PCMT1: variants seen among roughly 807,000 people sequenced by gnomAD.
PCMT1 encodes the protein protein-L-isoaspartate (D-aspartate) O-methyltransferase.
A neutral mutation model predicts 29.2 loss-of-function variants in PCMT1; 9 were observed. That is an observed-to-expected ratio of 0.31 (90% confidence interval 0.19 to 0.54). PCMT1 has a LOEUF of 0.54. PCMT1 is among the 20% of genes least tolerant of loss of function. The pLI is 0.95. For missense variants in PCMT1, 184 were observed against 282.2 expected, an observed-to-expected ratio of 0.65 and a Z score of 2.49; for synonymous variants, 98 against 97.5, an observed-to-expected ratio of 1.00 and a Z score of -0.03.
intron 3 of PCMT1, among the ~76,000 whole-genome samples, chr6:149,777,218 A>C (rs1288522655): frequency 6.6e-6 from 1 of 152,234 alleles, no homozygotes; most frequent in Non-Finnish European, 1.5e-5. Context: ...CACTTACGTT[A>C]GCCTACAGTT....
chr6:149,810,307 T>A (rs1776127539), intron 7 of PCMT1, among the ~76,000 whole-genome samples: 5 of 152,226 alleles, frequency 3.3e-5, no homozygotes, highest in Admixed American at 3.3e-4. Context: ...AGTGTAAAGA[T>A]GACCGTAGAT....
intron 1 of PCMT1, among the ~76,000 whole-genome samples, chr6:149,753,560 A>G (rs892105529): frequency 4.0e-5 from 6 of 151,828 alleles, no homozygotes; most frequent in African/African-American, 1.5e-4. Flanking sequence ...TGAATTCCCA[A>G]CCTCAGGTGA....
intron 3 of PCMT1, among the ~76,000 whole-genome samples, chr6:149,784,404 T>G (rs1562412853): frequency 1.3e-5 from 2 of 152,158 alleles, no homozygotes; most frequent in African/African-American, 2.4e-5. Flanking sequence ...TAAAATAGTA[T>G]AATGAACCTA....
intron 3 of PCMT1, among the ~76,000 whole-genome samples, chr6:149,774,606 C>T (rs1384445173): frequency 7.0e-6 from 1 of 142,450 alleles, no homozygotes; most frequent in African/African-American, 2.6e-5. Flanking sequence ...ATTGTCATCT[C>T]TGCTCACTGC....
At chr6:149,762,410 A>G (rs753149794) in intron 1 of PCMT1, among the ~76,000 whole-genome samples, 3 of 151,034 alleles carry the variant, frequency 2.0e-5, no homozygotes, top group Admixed American at 6.7e-5. Context: ...GTAATTGCAC[A>G]TTTACCCCTA....
intron 1 of PCMT1, among the ~76,000 whole-genome samples, chr6:149,761,926 A>C (rs537204053): frequency 6.6e-6 from 1 of 152,306 alleles, no homozygotes; most frequent in South Asian, 2.1e-4. Context: ...TGAACGATGT[A>C]GTGTATTGAG....
At chr6:149,758,195 T>C (rs1051194322) in intron 1 of PCMT1, among the ~76,000 whole-genome samples, 1 of 93,474 alleles carries the variant, frequency 1.1e-5, no homozygotes, top group Non-Finnish European at 2.1e-5. Flanking sequence ...ATTTTTTTTT[T>C]CTTTCTTTCT....
chr6:149,763,019 A>ATATGATATATCTATGATATC lies in PCMT1; in HGVS notation c.56-8134_56-8115dup, dbSNP rs1554251837. On this transcript the variant is annotated intron_variant, in intron 1 of 7. Transcript: ENST00000464889. ...TATATGATATATATATCTATGATAT[A>ATATGATATATCTATGATATC]TATGATATATCTATGATATCTATGA... Among the ~76,000 whole-genome samples, 9 of 62,654 alleles carry ATATGATATATCTATGATATC rather than the reference A, an allele frequency of 1.4e-4. 1 individual carries two copies. The highest frequency in any genetic ancestry group is 1.0e-3 in the South Asian group (2 of 1,996). 41.1% of individuals were successfully genotyped at this position (62,654 alleles called of 152,430 possible).
At chr6:149,797,992 T>TC (rs1788682962) in intron 6 of PCMT1, 1 of 151,786 alleles carries the variant, frequency 6.6e-6, no homozygotes, top group African/African-American at 2.4e-5. Flanking sequence ...ATGGCAAAAC[T>TC]CCATCTCTAC....
intron 7 of PCMT1, among the ~76,000 whole-genome samples, chr6:149,803,409 C>T (rs1473374825): frequency 6.6e-6 from 1 of 152,148 alleles, no homozygotes; most frequent in Non-Finnish European, 1.5e-5. Context: ...CCCAGAGGGT[C>T]AGCAGCATGC....
intron 1 of PCMT1, among the ~76,000 whole-genome samples, chr6:149,750,497 G>A (rs966971073): frequency 2.0e-5 from 3 of 152,184 alleles, no homozygotes; most frequent in African/African-American, 7.2e-5. Flanking sequence ...CAGGCGAGGG[G>A]AGGAAGATGA....
At chr6:149,780,340 C>T (rs1455951294) in intron 3 of PCMT1, among the ~76,000 whole-genome samples, 2 of 144,352 alleles carry the variant, frequency 1.4e-5, no homozygotes, top group Non-Finnish European at 3.0e-5. Context: ...GACCCTGTCT[C>T]AGAAAAAAAA....
chr6:149,784,211 A>G (rs1354171211), intron 3 of PCMT1, among the ~76,000 whole-genome samples: 1 of 152,214 alleles, frequency 6.6e-6, no homozygotes, highest in Non-Finnish European at 1.5e-5. Flanking sequence ...AATGTCTTGG[A>G]TTATGTGAGG....
chr6:149,758,961 C>G (rs1277120842), intron 1 of PCMT1, among the ~76,000 whole-genome samples: 2 of 152,142 alleles, frequency 1.3e-5, no homozygotes, highest in Non-Finnish European at 2.9e-5. Context: ...ACGACAACCT[C>G]CACCTTGTGG....
chr6:149,773,294 A>G, intron 3 of PCMT1, 125 bp downstream of exon 3: 3 of 717,808 alleles, frequency 4.2e-6, no homozygotes, highest in Non-Finnish European at 7.2e-6. Flanking sequence ...TGAATTGGTA[A>G]TGAACATCAT....
intron 6 of PCMT1, among the ~76,000 whole-genome samples, chr6:149,799,672 GA>G (rs1788747230): frequency 6.6e-6 from 1 of 152,142 alleles, no homozygotes; most frequent in Non-Finnish European, 1.5e-5. Context: ...CAGATAGTAG[GA>G]AAAACCAAAA....
intron 4 of PCMT1, 120 bp from the exon 5 acceptor site, chr6:149,793,429 C>T: frequency 1.3e-6 from 1 of 748,362 alleles, no homozygotes. Flanking sequence ...TCTATAGAAG[C>T]CTTAAGCTAT....
intron 7 of PCMT1, among the ~76,000 whole-genome samples, chr6:149,805,180 A>G (rs1775970530): frequency 6.6e-6 from 1 of 152,228 alleles, no homozygotes; most frequent in African/African-American, 2.4e-5. Context: ...AGCGGCAGTG[A>G]GCTGTGATCA....
intron 1 of PCMT1, among the ~76,000 whole-genome samples, chr6:149,760,865 CAAAA>C (rs1295023726): frequency 6.6e-6 from 1 of 151,904 alleles, no homozygotes; most frequent in Admixed American, 6.6e-5. Context: ...ACAAACAAAA[CAAAA>C]AGAGCATGTT....
Sources: allele counts gnomAD v4.1 joint callset (sites outside exome capture counted in the v4.1 genomes callset), GRCh38; gene constraint gnomAD v4.1.1; transcripts MANE v1.5; gene names NCBI Gene and HGNC (gene_info 2026-07-23, HGNC 2026-07-21).